Variants in SHISA9 observed in about 807,000 individuals in gnomAD.
The protein encoded by SHISA9 is protein shisa-9.
A neutral mutation model predicts 38.0 loss-of-function variants in SHISA9; 13 were observed. That is an observed-to-expected ratio of 0.34 (90% CI 0.22 to 0.54). SHISA9 has a LOEUF of 0.54. Ranked by LOEUF, SHISA9 falls within the 20% of genes least tolerant of loss-of-function variation. The pLI is 0.91. For synonymous variants in SHISA9, 275 were observed against 242.0 expected (o/e 1.14, Z -1.27); for missense variants, 538 against 575.8 (o/e 0.93, Z 0.67).
At chr16:13,225,751 T>G (rs1234004064) in intron 4 of SHISA9, among the ~76,000 whole-genome samples, 1 of 152,156 alleles carries the variant, frequency 6.6e-6, no homozygotes, top group East Asian at 1.9e-4. Context: ...CTTGACGTTC[T>G]CCCTTTCCAC....
chr16:13,542,507 GAGCAGAGATAGATCAAGCTCACAC>G, the SHISA9 span, among the ~76,000 whole-genome samples: 1 of 152,244 alleles, frequency 6.6e-6, no homozygotes, highest in Admixed American at 6.5e-5. Context: ...CTAGAGGGCA[GAGCAGAGATAGATCAAGCTCACAC>G]CTGTGTTTTC....
At chr16:13,430,742 AAC>A in the SHISA9 span, among the ~76,000 whole-genome samples, 2 of 83,134 alleles carry the variant, frequency 2.4e-5, no homozygotes, top group African/African-American at 6.3e-5. Flanking sequence ...CCCATCTCTA[AAC>A]AAAAAAAAAA....
chr16:13,173,199 C>G (rs1269334545), intron 2 of SHISA9, among the ~76,000 whole-genome samples: 1 of 146,696 alleles, frequency 6.8e-6, no homozygotes, highest in Admixed American at 6.8e-5. Flanking sequence ...ACTCATTTAC[C>G]AATCCAGAAA....
chr16:13,166,909 C>CT (rs537767307), intron 2 of SHISA9, among the ~76,000 whole-genome samples: 13 of 152,204 alleles, frequency 8.5e-5, no homozygotes, highest in African/African-American at 2.6e-4. Flanking sequence ...ATAGGTGCAG[C>CT]AAACCACCAT....
chr16:13,066,754 A>C (rs2073439674), intron 2 of SHISA9, among the ~76,000 whole-genome samples: 1 of 152,226 alleles, frequency 6.6e-6, no homozygotes, highest in South Asian at 2.1e-4. Flanking sequence ...AACAATTGTC[A>C]GTCCTGTGAA....
the SHISA9 span, among the ~76,000 whole-genome samples, chr16:13,532,131 A>T: frequency 6.6e-6 from 1 of 152,242 alleles, no homozygotes. Context: ...CACGAAGAGA[A>T]TGAAAACCAG....
chr16:13,382,584 C>T, the SHISA9 span, among the ~76,000 whole-genome samples: 8 of 149,594 alleles, frequency 5.3e-5, no homozygotes, highest in South Asian at 2.1e-4. Context: ...TGGTGGCTTT[C>T]GTCTGTAATC....
the SHISA9 span, among the ~76,000 whole-genome samples, chr16:13,491,831 T>A: frequency 2.9e-5 from 2 of 69,198 alleles, no homozygotes; most frequent in African/African-American, 5.2e-5. Flanking sequence ...TTTTTTTTTT[T>A]TTTTTTTTTT....
the SHISA9 span, among the ~76,000 whole-genome samples, chr16:13,405,942 A>AAAAAAAAAAAAAGCAATTGCGAC: frequency 2.0e-5 from 1 of 50,366 alleles, no homozygotes; most frequent in Non-Finnish European, 4.5e-5. Flanking sequence ...AAATCATGAC[A>AAAAAAAAAAAAAGCAATTGCGAC]AAAAAAAAAA....
chr16:12,901,957 C>A lies in SHISA9; in HGVS notation c.-108C>A. 1 of 928,318 alleles carries A rather than the reference C, an allele frequency of 1.1e-6. No individual in the cohort carries two copies. The highest frequency in any genetic ancestry group is 1.4e-6 in the Non-Finnish European group (1 of 702,234). The allele number at this position is 928,318 out of a possible 1,614,324, so 57.5% of individuals were successfully genotyped here. A position where few individuals can be genotyped will look rare whatever the true frequency, so the allele number is the denominator to read the frequency against. On this transcript the variant is annotated 5_prime_UTR_variant, in exon 1 of 5. Transcript: ENST00000558583. ...CGCTCCCTGCATGTGCGGCCCGCGGCGGCTCGCAGCTCCCGGCAGCAGCCT... is the reference window on the plus strand; with the variant it reads ...CGCTCCCTGCATGTGCGGCCCGCGGAGGCTCGCAGCTCCCGGCAGCAGCCT...
the SHISA9 span, among the ~76,000 whole-genome samples, chr16:13,430,251 G>T: frequency 3.3e-5 from 5 of 152,200 alleles, no homozygotes; most frequent in African/African-American, 1.2e-4. Context: ...GATGAATACA[G>T]TCCTTAATAA....
At chr16:12,976,568 C>T (rs921628627) in intron 2 of SHISA9, among the ~76,000 whole-genome samples, 3 of 152,138 alleles carry the variant, frequency 2.0e-5, no homozygotes, top group African/African-American at 4.8e-5. Context: ...ACACTGAATT[C>T]CTCTGAAATT....
intron 2 of SHISA9, among the ~76,000 whole-genome samples, chr16:13,159,860 C>T (rs906320778): frequency 6.6e-6 from 1 of 152,228 alleles, no homozygotes; most frequent in African/African-American, 2.4e-5. Context: ...ATTGCTGCCT[C>T]TTCTTCCTGA....
At chr16:13,468,822 A>G in the SHISA9 span, among the ~76,000 whole-genome samples, 1 of 152,116 alleles carries the variant, frequency 6.6e-6, no homozygotes, top group Non-Finnish European at 1.5e-5. Flanking sequence ...CTCTATGAAG[A>G]AAAATAAAAT....
intron 2 of SHISA9, among the ~76,000 whole-genome samples, chr16:13,054,038 T>C (rs1185574531): frequency 6.6e-6 from 1 of 152,204 alleles, no homozygotes; most frequent in Non-Finnish European, 1.5e-5. Flanking sequence ...ACCTGCTTTA[T>C]TTTCTTTAAA....
the SHISA9 span, among the ~76,000 whole-genome samples, chr16:13,522,504 C>A: frequency 1.3e-5 from 2 of 152,130 alleles, no homozygotes; most frequent in African/African-American, 4.8e-5. Flanking sequence ...GAGTCCCCCC[C>A]CGATTTCCTT....
chr16:13,259,721 C>T, the SHISA9 span, among the ~76,000 whole-genome samples: 2,650 of 152,306 alleles, frequency 0.017, 41 homozygotes, highest in Non-Finnish European at 0.026. Flanking sequence ...ACGGTCCAAG[C>T]CGTATGTTGG....
intron 2 of SHISA9, among the ~76,000 whole-genome samples, chr16:13,002,331 G>A (rs1330060653): frequency 6.6e-6 from 1 of 152,102 alleles, no homozygotes; most frequent in Non-Finnish European, 1.5e-5. Context: ...TGCCAGGCAT[G>A]GTAATAAAAG....
chr16:13,371,584 A>T, the SHISA9 span, among the ~76,000 whole-genome samples: 1 of 152,250 alleles, frequency 6.6e-6, no homozygotes, highest in Non-Finnish European at 1.5e-5. Flanking sequence ...GTAAGTGAAC[A>T]CACATGGTTG....
Sources: gnomAD v4.1 joint callset for allele counts (sites outside exome capture counted in the v4.1 genomes callset) on GRCh38, gnomAD v4.1.1 for gene constraint, MANE v1.5 for transcripts, NCBI Gene and HGNC (gene_info 2026-07-23, HGNC 2026-07-21) for gene names.